Variants in FABP12 observed in about 807,000 individuals in gnomAD.
The protein encoded by FABP12 is fatty acid-binding protein 12.
Under a neutral mutation model 13.7 loss-of-function variants are expected in FABP12, and 19 were observed. The ratio of observed to expected loss-of-function variants is 1.39; its 90% CI spans 0.97 to 2.04. The LOEUF (loss-of-function observed/expected upper bound fraction) is 2.04. Ranked by LOEUF, FABP12 falls within the 30% of genes most tolerant of loss-of-function variation. The probability of loss-of-function intolerance (pLI) is 0.00; values close to 1 mark genes in which losing one functional copy is unlikely to be tolerated. For missense variants in FABP12, 182 were observed against 164.2 expected, an observed-to-expected ratio of 1.11 and a Z score of -0.59; for synonymous variants, 61 against 57.0, an observed-to-expected ratio of 1.07 and a Z score of -0.32.
chr8:81,569,914 C>G lies in FABP12; in HGVS notation c.-185+20139G>C, dbSNP rs531566816. 2.0e-5 allele frequency among the ~76,000 whole-genome samples: 3 copies of G among 152,194 alleles called. No homozygotes were observed. In the South Asian group the frequency reaches 6.2e-4, roughly 32 times the overall value. On this transcript the variant is annotated intron_variant, in intron 1 of 5. Transcript: ENST00000692030. ...GCCTACTGGGCTCGTTCTGCCCGCT[C>G]GGCCTGGCAGGCTGCACTCAGTTCA...
intron 1 of FABP12, among the ~76,000 whole-genome samples, chr8:81,577,838 G>C (rs1041692959): frequency 6.6e-6 from 1 of 152,166 alleles, no homozygotes; most frequent in African/African-American, 2.4e-5. Flanking sequence ...CCAGAATAGG[G>C]AACAAGAATA....
At chr8:81,553,572 G>C (rs1809558444) in intron 1 of FABP12, among the ~76,000 whole-genome samples, 1 of 152,150 alleles carries the variant, frequency 6.6e-6, no homozygotes, top group Non-Finnish European at 1.5e-5. Context: ...GAAAGCATCT[G>C]TCATGCTTTT....
chr8:81,556,765 A>T (rs1014036134), intron 1 of FABP12, among the ~76,000 whole-genome samples: 1 of 147,610 alleles, frequency 6.8e-6, no homozygotes, highest in South Asian at 2.1e-4. Context: ...ATATATATTT[A>T]TATATAAATT....
chr8:81,557,820 T>C (rs1043346426), intron 1 of FABP12, among the ~76,000 whole-genome samples: 4 of 152,360 alleles, frequency 2.6e-5, no homozygotes, highest in South Asian at 2.1e-4. Context: ...AGCTTTTTTT[T>C]CCTGTAAAAT....
chr8:81,568,887 T>C (rs937860857), intron 1 of FABP12, among the ~76,000 whole-genome samples: 3 of 152,194 alleles, frequency 2.0e-5, no homozygotes, highest in East Asian at 1.9e-4. Flanking sequence ...TTTTCTCACT[T>C]ATTCTTGGGA....
intron 1 of FABP12, among the ~76,000 whole-genome samples, chr8:81,560,361 A>G (rs1234487455): frequency 6.6e-6 from 1 of 152,240 alleles, no homozygotes; most frequent in Admixed American, 6.5e-5. Context: ...ACAAAGCTCT[A>G]ATTTACAAAT....
At chr8:81,528,453 C>T (rs751131661) in intron 3 of FABP12, among the ~76,000 whole-genome samples, 1 of 152,196 alleles carries the variant, frequency 6.6e-6, no homozygotes, top group Non-Finnish European at 1.5e-5. Flanking sequence ...CAAAAATTTT[C>T]TTCCATTTTA....
chr8:81,533,426 C>T (rs901497199), intron 1 of FABP12, among the ~76,000 whole-genome samples: 1 of 152,198 alleles, frequency 6.6e-6, no homozygotes, highest in African/African-American at 2.4e-5. Flanking sequence ...TTCAGTCCTC[C>T]TTCCAGGTCC....
intron 1 of FABP12, among the ~76,000 whole-genome samples, chr8:81,580,059 G>A (rs955107004): frequency 2.5e-4 from 38 of 152,270 alleles, no homozygotes; most frequent in Non-Finnish European, 3.1e-4. Flanking sequence ...AGAGAAAAGC[G>A]TGACAATTGT....
chr8:81,539,984 A>G (rs1809308732), intron 1 of FABP12, among the ~76,000 whole-genome samples: 1 of 152,242 alleles, frequency 6.6e-6, no homozygotes, highest in Non-Finnish European at 1.5e-5. Flanking sequence ...TAAAAATGCC[A>G]ACTCCTATGA....
In FABP12 at chr8:81,568,288, C is replaced by A. The variant is rs187681812; in HGVS notation, c.-185+21765G>T. Among the ~76,000 whole-genome samples, 400 of 151,968 alleles carry A rather than the reference C, an allele frequency of 2.6e-3. 2 individuals carry two copies. The highest frequency in any genetic ancestry group is 8.7e-3 in the African/African-American group (360 of 41,440). The stretch of plus-strand genomic sequence containing the variant: ...TCAAACAACTCAATAGGAAAAAAAA[C>A]CAATAATCTGATTTAAAAATGGGCA... On this transcript the variant is annotated intron_variant, in intron 1 of 5. Transcript: ENST00000692030.
intron 1 of FABP12, among the ~76,000 whole-genome samples, chr8:81,557,274 CTT>C (rs889638710): frequency 7.9e-5 from 12 of 152,134 alleles, no homozygotes; most frequent in Admixed American, 3.3e-4. Flanking sequence ...TTCTGTAACT[CTT>C]TACTTATAAA....
chr8:81,565,383 T>C (rs148253720), intron 1 of FABP12, among the ~76,000 whole-genome samples: 153 of 152,176 alleles, frequency 1.0e-3, no homozygotes, highest in African/African-American at 3.6e-3. Context: ...TTGCAGAATA[T>C]ACATTCTTCC....
rs1056878892 is a variant in FABP12 at position 81,531,243 on chromosome 8, C to T, written c.73G>A (p.Gly25Ser). 1.5e-5 allele frequency: 24 copies of T among 1,604,028 alleles called. No individual in the cohort carries two copies. The Admixed American group carries it at 3.4e-4, about 23-fold the overall frequency. ...TGATATGCAAGTAAACATAGCTCAC[C>T]CAGCTCCTTCATGTAGTCTTCGGAA... Residue 25 changes from glycine (G) to serine (S), a missense_variant and splice_region_variant, in exon 2 of 5, where the codon GGT becomes AGT. Physicochemically the swap from Gly to Ser is moderately conservative, Grantham distance 56. Coordinates refer to ENST00000360464, the Ensembl canonical transcript of FABP12.
chr8:81,525,710 A>G (rs909680183), intron 4 of FABP12: 1 of 152,228 alleles, frequency 6.6e-6, no homozygotes, highest in African/African-American at 2.4e-5. Flanking sequence ...AAAGCAAGGC[A>G]TACAATTTGG....
chr8:81,529,371 C>G (rs1808995888), intron 3 of FABP12, 67 bp downstream of exon 3: 2 of 1,499,960 alleles, frequency 1.3e-6, no homozygotes, highest in South Asian at 2.3e-5. Context: ...GAATTGCTTA[C>G]TTACCGAGGA....
intron 1 of FABP12, among the ~76,000 whole-genome samples, chr8:81,541,778 A>G (rs918415037): frequency 2.6e-5 from 4 of 151,886 alleles, no homozygotes; most frequent in Non-Finnish European, 5.9e-5. Context: ...TGTTACTATA[A>G]CCTCAGATGT....
chr8:81,554,330 A>G (rs1292891397), intron 1 of FABP12, among the ~76,000 whole-genome samples: 1 of 152,176 alleles, frequency 6.6e-6, no homozygotes, highest in Non-Finnish European at 1.5e-5. Context: ...GCCTTGCATA[A>G]ATAAACCTAT....
At chr8:81,540,250 T>C (rs1437193601) in intron 1 of FABP12, among the ~76,000 whole-genome samples, 2 of 152,234 alleles carry the variant, frequency 1.3e-5, no homozygotes, top group Admixed American at 1.3e-4. Flanking sequence ...TTATAAGTCC[T>C]CCAAGTGATT....
Sources: allele counts gnomAD v4.1 joint callset (sites outside exome capture counted in the v4.1 genomes callset), GRCh38; gene constraint gnomAD v4.1.1; transcripts MANE v1.5; gene names NCBI Gene and HGNC (gene_info 2026-07-23, HGNC 2026-07-21).